NEMP2: variants seen among roughly 807,000 people sequenced by gnomAD.
NEMP2 encodes the protein UPF0571 transmembrane protein.
Under a neutral mutation model 54.2 loss-of-function variants are expected in NEMP2, and 53 were observed. The observed-to-expected ratio is 0.98, with a 90% confidence interval of 0.78 to 1.23. NEMP2 has a LOEUF of 1.23. Among genes scored for constraint, NEMP2 ranks in the 50% most tolerant of loss-of-function variants. The pLI is 0.00. For synonymous variants in NEMP2, 197 were observed against 190.3 expected, an observed-to-expected ratio of 1.04 and a Z score of -0.29; for missense variants, 455 against 511.3, an observed-to-expected ratio of 0.89 and a Z score of 1.06.
chr2:190,517,863 T>C (rs1690615666), intron 4 of NEMP2, among the ~76,000 whole-genome samples: 1 of 152,220 alleles, frequency 6.6e-6, no homozygotes, highest in Non-Finnish European at 1.5e-5. Flanking sequence ...AGACAATAAT[T>C]ACTGAACACC....
the NEMP2 span, among the ~76,000 whole-genome samples, chr2:190,440,512 T>G: frequency 6.6e-6 from 1 of 152,238 alleles, no homozygotes; most frequent in East Asian, 1.9e-4. Context: ...AGGATATAAA[T>G]GTATCTTAAG....
At chr2:190,429,276 C>T in the NEMP2 span, among the ~76,000 whole-genome samples, 1 of 150,928 alleles carries the variant, frequency 6.6e-6, no homozygotes, top group Admixed American at 6.6e-5. Context: ...AATATCTTCT[C>T]TCACTCTTTG....
intron 3 of NEMP2, 26 bp from the exon 4 acceptor site, chr2:190,518,834 C>T: frequency 6.5e-7 from 1 of 1,530,372 alleles, no homozygotes; most frequent in South Asian, 1.3e-5. Context: ...CACACAAACA[C>T]ATAACAAAGA....
At chr2:190,459,949 A>G in the NEMP2 span, among the ~76,000 whole-genome samples, 1 of 152,226 alleles carries the variant, frequency 6.6e-6, no homozygotes, top group East Asian at 1.9e-4. The surrounding 1 kb of genome is among the most constrained non-coding windows in gnomAD (Gnocchi z 5.3). Flanking sequence ...TTCTACAAGG[A>G]TGGGTCAGTG....
chr2:190,464,183 G>T, the NEMP2 span, among the ~76,000 whole-genome samples: 1 of 152,202 alleles, frequency 6.6e-6, no homozygotes, highest in Non-Finnish European at 1.5e-5. Context: ...ACAAACTGTA[G>T]ACAAGTGTCA....
At chr2:190,623,556 A>G in the NEMP2 span, among the ~76,000 whole-genome samples, 2 of 152,248 alleles carry the variant, frequency 1.3e-5, no homozygotes, top group Admixed American at 1.3e-4. Flanking sequence ...CCAAGAACAT[A>G]TATCAGAGAC....
At chr2:190,424,417 C>T in the NEMP2 span, among the ~76,000 whole-genome samples, 4 of 152,082 alleles carry the variant, frequency 2.6e-5, no homozygotes, top group Middle Eastern at 3.4e-3. This position sits in a 1 kb window ranked among gnomAD's most constrained non-coding sequence, Gnocchi z 5.9. Context: ...CTCACTGCAA[C>T]CTCCGCCTCC....
At chr2:190,502,072 T>C (rs1343448804), downstream of NEMP2, 1 of 152,640 alleles carries the variant, frequency 6.6e-6, no homozygotes, top group Non-Finnish European at 1.5e-5. The surrounding 1 kb of genome is among the most constrained non-coding windows in gnomAD (Gnocchi z 4.4). Flanking sequence ...TGAATACCAT[T>C]TTTAAATGTT....
rs886441487 is a variant in NEMP2, at chr2:190,529,628, G to A, written c.98-4250C>T. Among the ~76,000 whole-genome samples the A allele has an allele frequency of 1.3e-5, 2 of 152,184 alleles. No homozygotes were observed. Among genetic ancestry groups the A allele is most frequent in the Non-Finnish European group, 2.9e-5 (2 of 68,034 alleles). On this transcript the variant is annotated intron_variant, in intron 1 of 8. Transcript: ENST00000409150. The surrounding 1 kb of genome is among the most constrained non-coding windows in gnomAD (Gnocchi z 4.7). The stretch of plus-strand genomic sequence containing the variant: ...CTCCATGAAGTCAGGGACATTGCAT[G>A]TTTATCACTGTAACCCCCAGAACTT...
rs564550823 is a variant in NEMP2 at position 190,509,405 on chromosome 2, T to C, written c.1131-93A>G. 7.0e-7 allele frequency: 1 copy of C among 1,426,536 alleles called. No homozygotes were observed. The highest frequency in any genetic ancestry group is 1.4e-5 in the African/African-American group (1 of 69,870). 88.4% of individuals were successfully genotyped at this position (1,426,536 alleles called of 1,614,324 possible). Reference sequence around the variant, plus strand: ...TTCCCTTGCTATTTATCCCCTTTAATTAAATTTGACTTTGCATCAATACAG... The same window carrying C: ...TTCCCTTGCTATTTATCCCCTTTAACTAAATTTGACTTTGCATCAATACAG... On this transcript the variant is annotated intron_variant, in intron 8 of 8. Transcript: ENST00000409150. This position sits in a 1 kb window ranked among gnomAD's most constrained non-coding sequence, Gnocchi z 6.1.
chr2:190,567,890 G>T, the NEMP2 span, among the ~76,000 whole-genome samples: 6 of 152,120 alleles, frequency 3.9e-5, no homozygotes, highest in East Asian at 7.7e-4. This position sits in a 1 kb window ranked among gnomAD's most constrained non-coding sequence, Gnocchi z 4.0. Flanking sequence ...CTTGCGATTC[G>T]CCCGCCTTGG....
At chr2:190,611,892 C>A in the NEMP2 span, among the ~76,000 whole-genome samples, 1 of 152,116 alleles carries the variant, frequency 6.6e-6, no homozygotes, top group Admixed American at 6.6e-5. This position sits in a 1 kb window ranked among gnomAD's most constrained non-coding sequence, Gnocchi z 5.4. Context: ...AGCCTTGGAC[C>A]TAGGCAGAAA....
the NEMP2 span, among the ~76,000 whole-genome samples, chr2:190,645,035 A>G: frequency 6.6e-6 from 1 of 152,328 alleles, no homozygotes; most frequent in Non-Finnish European, 1.5e-5. Context: ...CTGTAAAATA[A>G]GCTTCTCCCA....
rs901382945 is a variant in NEMP2, at chr2:190,530,637, C to T, written c.97+3922G>A. 5.3e-5 allele frequency among the ~76,000 whole-genome samples: 8 copies of T among 152,184 alleles called. No homozygotes were observed. Among genetic ancestry groups the T allele is most frequent in the Admixed American group, 4.6e-4 (7 of 15,280 alleles). On this transcript the variant is annotated intron_variant, in intron 1 of 8. Coordinates refer to ENST00000409150, the MANE Select transcript of NEMP2 (RefSeq NM_001142645.2). The surrounding 1 kb of genome is among the most constrained non-coding windows in gnomAD (Gnocchi z 4.6). The stretch of plus-strand genomic sequence containing the variant: ...TTAGGTCTCTCCTCCCTTTAGCAAT[C>T]TTCTTCTAGAGCCATTTCACTGCTC...
chr2:190,441,923 G>A, the NEMP2 span, among the ~76,000 whole-genome samples: 1 of 152,172 alleles, frequency 6.6e-6, no homozygotes, highest in East Asian at 1.9e-4. Context: ...CCTGAATTAA[G>A]TCAGATTGGT....
At chr2:190,455,447 C>T in the NEMP2 span, among the ~76,000 whole-genome samples, 1 of 152,160 alleles carries the variant, frequency 6.6e-6, no homozygotes, top group Admixed American at 6.5e-5. Context: ...GGGGGAGGCT[C>T]TGCTGGCCAT....
At chr2:190,628,954 T>C in the NEMP2 span, among the ~76,000 whole-genome samples, 219 of 152,286 alleles carry the variant, frequency 1.4e-3, 1 homozygote, top group Non-Finnish European at 2.6e-3. The surrounding 1 kb of genome is among the most constrained non-coding windows in gnomAD (Gnocchi z 4.1). Context: ...TCATAATTCT[T>C]TCATTGAGTT....
Position 190,522,351 on chromosome 2 carries a change from C to T in NEMP2, c.213+2912G>A, listed in dbSNP as rs1164138786. Among the ~76,000 whole-genome samples, 2 of 151,862 alleles carry T rather than the reference C, an allele frequency of 1.3e-5. No individual in the cohort carries two copies. Among genetic ancestry groups the T allele is most frequent in the Non-Finnish European group, 2.9e-5 (2 of 67,970 alleles). ...AATATATCCATGTGACAAACCTGCA[C>T]ATGTACCCCCAAATCTAAAAAATTA... On this transcript the variant is annotated intron_variant, in intron 2 of 8. Transcript: ENST00000409150. This position sits in a 1 kb window ranked among gnomAD's most constrained non-coding sequence, Gnocchi z 5.0.
At chr2:190,483,784 G>A in the NEMP2 span, among the ~76,000 whole-genome samples, 1 of 139,326 alleles carries the variant, frequency 7.2e-6, no homozygotes, top group Admixed American at 8.3e-5. Flanking sequence ...GCGGTGAGCC[G>A]AGATCACGCC....
Sources: allele counts gnomAD v4.1 joint callset (sites outside exome capture counted in the v4.1 genomes callset), GRCh38; gene constraint gnomAD v4.1.1; non-coding constraint Gnocchi (gnomAD v3.1); transcripts MANE v1.5; gene names NCBI Gene and HGNC (gene_info 2026-07-23, HGNC 2026-07-21).